SLC26A8: variants seen among roughly 807,000 people sequenced by gnomAD.
SLC26A8 encodes the protein testis anion transporter 1.
In SLC26A8, 70 loss-of-function variants were observed where a neutral mutation model predicts 105.0. That is an observed-to-expected ratio of 0.67 (90% CI 0.55 to 0.81). The LOEUF is 0.81. Among genes scored for constraint, SLC26A8 ranks in the 40% least tolerant of loss-of-function variants. The probability of loss-of-function intolerance (pLI) is 0.00; values close to 1 mark genes in which losing one functional copy is unlikely to be tolerated. For missense variants in SLC26A8, 998 were observed against 1,181.8 expected (o/e 0.84, Z 2.28); for synonymous variants, 415 against 438.3 (o/e 0.95, Z 0.66).
chr6:35,968,591 G>GTGTGTGAAATATACATATGTGTGTA lies in SLC26A8; in HGVS notation c.1365+285_1365+286insTACACACATATGTATATTTCACACA, dbSNP rs1364445434. Among the ~76,000 whole-genome samples, 266 of 34,604 alleles carry GTGTGTGAAATATACATATGTGTGTA rather than the reference G, an allele frequency of 7.7e-3. 7 individuals carry two copies. Among genetic ancestry groups the GTGTGTGAAATATACATATGTGTGTA allele is most frequent in the Middle Eastern group, 0.036 (2 of 56 alleles). The allele number at this position is 34,604 out of a possible 152,430, so 22.7% of individuals were successfully genotyped here. On this transcript the variant is annotated intron_variant, in intron 11 of 19. Transcript: ENST00000490799. ...TATATAAATATACATATGTGTGTAT[G>GTGTGTGAAATATACATATGTGTGTA]TGTGTGTGTGTGTGTGTGTATATAT...
intron 16 of SLC26A8, among the ~76,000 whole-genome samples, chr6:35,957,512 C>T (rs897042251): frequency 2.6e-5 from 4 of 151,822 alleles, no homozygotes; most frequent in South Asian, 2.1e-4. Flanking sequence ...GGCTTGAGGT[C>T]ACTGGGGCCA....
chr6:35,993,188 G>GC (rs1562054834), intron 5 of SLC26A8, among the ~76,000 whole-genome samples: 3 of 100,610 alleles, frequency 3.0e-5, no homozygotes, highest in Non-Finnish European at 4.2e-5. Flanking sequence ...ATAGAGATTG[G>GC]AGGGGGGGGT....
Position 35,960,867 on chromosome 6 carries a change from A to G in SLC26A8, c.1614T>C (p.Tyr538=), listed in dbSNP as rs751155856. The G allele has an allele frequency of 2.5e-6, 4 of 1,614,162 alleles. No individual in the cohort carries two copies. In the South Asian group the frequency reaches 3.3e-5, roughly 13 times the overall value. ...LLGQIPNTNI[Y]RSINDYREII... ...CCTCCCGATAATCATTGATGCTTCT[A>G]TAAATGTTGGTGTTAGGGATTTGAC... Residue 538 remains tyrosine (Y), a synonymous_variant, in exon 14 of 20, where the codon TAT becomes TAC. Coordinates refer to ENST00000490799, the MANE Select transcript of SLC26A8 (RefSeq NM_052961.4).
At chr6:36,011,951 A>G (rs996286512) in intron 3 of SLC26A8, among the ~76,000 whole-genome samples, 10 of 152,172 alleles carry the variant, frequency 6.6e-5, no homozygotes, top group Non-Finnish European at 1.5e-4. Flanking sequence ...AGTGAGATGT[A>G]TTATAGCCAT....
At chr6:36,004,471 T>G (rs1462913867) in intron 3 of SLC26A8, among the ~76,000 whole-genome samples, 1 of 152,176 alleles carries the variant, frequency 6.6e-6, no homozygotes, top group Non-Finnish European at 1.5e-5. Context: ...TTTAAAATTT[T>G]TTTTGCTTTT....
chr6:35,956,617 G>A (rs374345192), intron 16 of SLC26A8, among the ~76,000 whole-genome samples: 28 of 151,990 alleles, frequency 1.8e-4, no homozygotes, highest in Middle Eastern at 3.4e-3. Context: ...GTGTGCACAC[G>A]TTCATTGAAG....
At chr6:35,963,125 G>A (rs1350830101) in intron 11 of SLC26A8, among the ~76,000 whole-genome samples, 2 of 152,180 alleles carry the variant, frequency 1.3e-5, no homozygotes, top group Non-Finnish European at 2.9e-5. Flanking sequence ...GAGAGGAAGA[G>A]TAACTTGAGG....
chr6:35,984,319 ATTT>A (rs59314649), intron 7 of SLC26A8, among the ~76,000 whole-genome samples: 1,515 of 116,478 alleles, frequency 0.013, 13 homozygotes, highest in South Asian at 0.03. Context: ...TCTTCTTCTT[ATTT>A]TTTTTTTTTT....
chr6:35,962,390 G>A (rs187714691), intron 12 of SLC26A8, 136 bp downstream of exon 12: 189 of 692,330 alleles, frequency 2.7e-4, no homozygotes, highest in African/African-American at 2.7e-3. Flanking sequence ...CCTTTTTAAA[G>A]CAAAACTGGA....
chr6:35,966,730 C>T (rs1772531361), intron 11 of SLC26A8, among the ~76,000 whole-genome samples: 1 of 152,134 alleles, frequency 6.6e-6, no homozygotes, highest in African/African-American at 2.4e-5. Flanking sequence ...TAGCTTAGTA[C>T]TCATAGAACC....
chr6:36,014,510 A>T (rs551276836), intron 2 of SLC26A8, among the ~76,000 whole-genome samples: 1 of 152,314 alleles, frequency 6.6e-6, no homozygotes, highest in South Asian at 2.1e-4. Context: ...AAAGAGGAAG[A>T]AAATGAGGAA....
intron 16 of SLC26A8, among the ~76,000 whole-genome samples, chr6:35,956,195 G>A (rs1307155926): frequency 6.6e-6 from 1 of 151,800 alleles, no homozygotes; most frequent in Non-Finnish European, 1.5e-5. Context: ...CCTGGGAGAT[G>A]AAGGTTGCAG....
At chr6:35,975,209 A>C (rs1440102867) in intron 10 of SLC26A8, among the ~76,000 whole-genome samples, 166 bp downstream of exon 10, 3 of 152,194 alleles carry the variant, frequency 2.0e-5, no homozygotes, top group African/African-American at 7.2e-5. Context: ...TCTGAGCAAA[A>C]ATTAAGGCAA....
In SLC26A8 at chr6:35,943,569, A is replaced by G. The variant is rs1771559418; in HGVS notation, c.*331T>C. The stretch of plus-strand genomic sequence containing the variant: ...TTCATCTCTTTGGAGAAAGGGGAAC[A>G]GGGATGAGAGGATTAAGTTAGAGAT... On this transcript the variant is annotated 3_prime_UTR_variant, in exon 20 of 20. Coordinates refer to ENST00000490799, the MANE Select transcript of SLC26A8 (RefSeq NM_052961.4). 4.0e-6 allele frequency: 1 copy of G among 248,092 alleles called. No homozygotes were observed. The highest frequency in any genetic ancestry group is 7.9e-6 in the Non-Finnish European group (1 of 127,232). 15.4% of individuals were successfully genotyped at this position (248,092 alleles called of 1,614,324 possible).
chr6:35,955,027 G>A, intron 17 of SLC26A8, 125 bp downstream of exon 17: 3 of 1,077,518 alleles, frequency 2.8e-6, no homozygotes, highest in South Asian at 1.4e-5. Context: ...GGTGTCCAAG[G>A]CTCTGGTGGC....
intron 5 of SLC26A8, among the ~76,000 whole-genome samples, chr6:35,993,429 G>A (rs896126598): frequency 3.3e-5 from 5 of 151,954 alleles, no homozygotes; most frequent in South Asian, 2.1e-4. Flanking sequence ...CAGTGGGATC[G>A]AGCTCAAACT....
chr6:36,024,413 G>A (rs1030021090), intron 1 of SLC26A8, 91 bp downstream of exon 1: 1 of 450,100 alleles, frequency 2.2e-6, no homozygotes, highest in African/African-American at 2.0e-5. Context: ...CTGGCTCTGC[G>A]GCATACCTGG....
chr6:35,951,164 T>C lies in SLC26A8; in HGVS notation c.2471A>G (p.Lys824Arg). 1.3e-6 allele frequency: 2 copies of C among 1,486,314 alleles called. No individual in the cohort carries two copies. Among genetic ancestry groups the C allele is most frequent in the South Asian group, 2.2e-5 (2 of 89,528 alleles). The allele number at this position is 1,486,314 out of a possible 1,614,324, so 92.1% of individuals were successfully genotyped here. A position where few individuals can be genotyped will look rare whatever the true frequency, so the allele number is the denominator to read the frequency against. Reference sequence around the variant, plus strand: ...TCATGCTTTGTCGGTTTGTCTGACCTTGTCTGTTTCTGAGTAGGTTTCCCG... The same window carrying C: ...TCATGCTTTGTCGGTTTGTCTGACCCTGTCTGTTTCTGAGTAGGTTTCCCG... ...VIRETYSETD[K>R]NDNSRYKMSS... Residue 824 changes from lysine to arginine, a missense_variant and splice_region_variant, in exon 19 of 20, where the codon AAG becomes AGG. Physicochemically the swap from Lys to Arg is conservative, Grantham distance 26 (BLOSUM62 2). Coordinates refer to ENST00000490799, the MANE Select transcript of SLC26A8 (RefSeq NM_052961.4).
chr6:36,011,121 T>G (rs1267482708), intron 3 of SLC26A8, among the ~76,000 whole-genome samples: 1 of 152,168 alleles, frequency 6.6e-6, no homozygotes, highest in Admixed American at 6.5e-5. Context: ...TGGGGAACTA[T>G]AAACTACTGT....
Sources: allele counts gnomAD v4.1 joint callset (sites outside exome capture counted in the v4.1 genomes callset), GRCh38; gene constraint gnomAD v4.1.1; transcripts MANE v1.5; gene names NCBI Gene and HGNC (gene_info 2026-07-23, HGNC 2026-07-21).